Variants in ZNF346 observed in about 807,000 individuals in gnomAD.
ZNF346 encodes the protein double-stranded RNA-binding zinc finger protein JAZ.
A neutral mutation model predicts 33.7 loss-of-function variants in ZNF346; 23 were observed. The ratio of observed to expected loss-of-function variants is 0.68; its 90% confidence interval spans 0.49 to 0.97. ZNF346 has a LOEUF of 0.97. Among genes scored for constraint, ZNF346 ranks in the 50% least tolerant of loss-of-function variants. The pLI is 0.00. For missense variants in ZNF346, 340 were observed against 371.1 expected (o/e 0.92, Z 0.69); for synonymous variants, 134 against 142.4 (o/e 0.94, Z 0.42).
chr5:177,071,627 G>A (rs1255825831), downstream of ZNF346, among the ~76,000 whole-genome samples: 3 of 151,070 alleles, frequency 2.0e-5, no homozygotes, highest in African/African-American at 7.3e-5. Flanking sequence ...GGAGCTTGCA[G>A]TGAGCTGAGA....
At chr5:177,043,815 TG>T (rs552228725) in intron 3 of ZNF346, among the ~76,000 whole-genome samples, 26 of 151,748 alleles carry the variant, frequency 1.7e-4, no homozygotes, top group African/African-American at 5.3e-4. Context: ...GAGCATCTAC[TG>T]TGTGCCAGAC....
chr5:177,072,068 T>TA (rs1783534956), downstream of ZNF346, among the ~76,000 whole-genome samples: 1 of 152,220 alleles, frequency 6.6e-6, no homozygotes, highest in Non-Finnish European at 1.5e-5. Flanking sequence ...CCTGGGACTT[T>TA]ACTGTTTGAT....
chr5:177,044,230 T>C, intron 3 of ZNF346, 159 bp from the exon 4 acceptor site: 2 of 756,696 alleles, frequency 2.6e-6, no homozygotes, highest in Non-Finnish European at 4.3e-6. Flanking sequence ...GTGAGTAGAG[T>C]CTGGGACAAA....
chr5:177,071,636 G>T (rs1315898427), downstream of ZNF346, among the ~76,000 whole-genome samples: 1 of 150,588 alleles, frequency 6.6e-6, no homozygotes, highest in African/African-American at 2.4e-5. Flanking sequence ...AGTGAGCTGA[G>T]ATCGTGCCAC....
intron 4 of ZNF346, among the ~76,000 whole-genome samples, chr5:177,047,034 ATT>A (rs1562000174): frequency 9.8e-4 from 59 of 59,956 alleles, no homozygotes; most frequent in African/African-American, 2.7e-3. Flanking sequence ...ATTTATTTTT[ATT>A]TATTTATTTA....
Position 177,061,228 on chromosome 5 carries a change from T to C in ZNF346, c.704-830T>C, listed in dbSNP as rs186505431. On this transcript the variant is annotated intron_variant, in intron 5 of 6. Transcript: ENST00000358149. Reference sequence around the variant, plus strand: ...TTGGGAGGCCTAGACGGATGGATCATGAGGTCAAGAGAGAGAGACCATCAT... The same window carrying C: ...TTGGGAGGCCTAGACGGATGGATCACGAGGTCAAGAGAGAGAGACCATCAT... Among the ~76,000 whole-genome samples, 183 of 152,232 alleles carry C rather than the reference T, an allele frequency of 1.2e-3. 2 individuals are homozygous for C. The highest frequency in any genetic ancestry group is 2.0e-3 in the Non-Finnish European group (137 of 68,022).
intron 6 of ZNF346, among the ~76,000 whole-genome samples, chr5:177,062,975 G>A (rs574518527): frequency 1.3e-5 from 2 of 152,172 alleles, no homozygotes; most frequent in Non-Finnish European, 2.9e-5. Context: ...GATATGAAGA[G>A]AATAGGGCCT....
At chr5:177,075,155 T>C (rs244718) in intron 8 of ZNF346, among the ~76,000 whole-genome samples, 86,593 of 151,580 alleles carry the variant, frequency 0.57, 24,940 homozygotes, top group Admixed American at 0.66. Flanking sequence ...AATCCCAGCA[T>C]TTTGGGAGGC....
chr5:177,043,857 A>G (rs550982246), intron 3 of ZNF346, among the ~76,000 whole-genome samples: 1 of 152,158 alleles, frequency 6.6e-6, no homozygotes, highest in Non-Finnish European at 1.5e-5. Flanking sequence ...AAGAAACAAA[A>G]ATGAGTCAAA....
chr5:177,060,382 G>T (rs147369253), intron 5 of ZNF346, among the ~76,000 whole-genome samples: 8 of 151,300 alleles, frequency 5.3e-5, no homozygotes, highest in Non-Finnish European at 1.2e-4. Flanking sequence ...TTAGCCGGGC[G>T]TGGTGGTGCA....
intron 1 of ZNF346, among the ~76,000 whole-genome samples, chr5:177,025,322 G>T (rs1776599166): frequency 6.6e-6 from 1 of 152,102 alleles, no homozygotes; most frequent in South Asian, 2.1e-4. Flanking sequence ...CTAGACATTT[G>T]GATTGTTTCC....
chr5:177,055,516 G>A (rs565342800), intron 5 of ZNF346, among the ~76,000 whole-genome samples: 1 of 152,260 alleles, frequency 6.6e-6, no homozygotes, highest in East Asian at 1.9e-4. Flanking sequence ...AGACCTAGTA[G>A]GAGAAAAATA....
chr5:177,057,983 A>G (rs10035183), intron 5 of ZNF346, among the ~76,000 whole-genome samples: 20,914 of 149,144 alleles, frequency 0.14, 3,133 homozygotes, highest in African/African-American at 0.38. Flanking sequence ...CACCACGGCC[A>G]GCTAATTTTG....
In ZNF346 at chr5:177,028,806, G is replaced by A. The variant is rs537520247; in HGVS notation, c.175+5893G>A. ...GCGATCTCGGCTCACTGCAAGCTCC[G>A]CCTCCCAGGTTCATGCCATTCTCCT... On this transcript the variant is annotated intron_variant, in intron 1 of 6. Coordinates refer to ENST00000358149, the MANE Select transcript of ZNF346 (RefSeq NM_012279.4). Among the ~76,000 whole-genome samples, 434 of 128,306 alleles carry A rather than the reference G, an allele frequency of 3.4e-3. 1 individual carries two copies. The highest frequency in any genetic ancestry group is 0.012 in the African/African-American group (414 of 33,948). The allele number at this position is 128,306 out of a possible 152,430, so 84.2% of individuals were successfully genotyped here. A position where few individuals can be genotyped will look rare whatever the true frequency, so the allele number is the denominator to read the frequency against.
intron 1 of ZNF346, among the ~76,000 whole-genome samples, chr5:177,039,997 G>A (rs770167049): frequency 6.6e-6 from 1 of 151,990 alleles, no homozygotes; most frequent in East Asian, 2.0e-4. Flanking sequence ...TGGCTAACAC[G>A]ATGAAACCCC....
chr5:177,053,756 T>C (rs1781287115), intron 5 of ZNF346, among the ~76,000 whole-genome samples: 2 of 152,206 alleles, frequency 1.3e-5, no homozygotes, highest in South Asian at 4.1e-4. Context: ...CATTTCAAAA[T>C]GTATGTATAT....
Position 177,064,664 on chromosome 5 carries a change from C to A in ZNF346, c.*65C>A. 1 of 1,305,718 alleles carries A rather than the reference C, an allele frequency of 7.7e-7. No individual in the cohort carries two copies. Among genetic ancestry groups the A allele is most frequent in the Non-Finnish European group, 1.1e-6 (1 of 899,564 alleles). The allele number at this position is 1,305,718 out of a possible 1,614,324, so 80.9% of individuals were successfully genotyped here. The stretch of plus-strand genomic sequence containing the variant: ...AGCCAGCTTCCCGTGACTGCTCAGC[C>A]CTTGGCTCCCTCTTGCTCGTTGTTC... On this transcript the variant is annotated 3_prime_UTR_variant, in exon 7 of 7. Transcript: ENST00000358149.
chr5:177,041,918 C>A, intron 3 of ZNF346, 48 bp downstream of exon 3: 3 of 1,306,424 alleles, frequency 2.3e-6, no homozygotes, highest in Non-Finnish European at 3.3e-6. Context: ...ATGAAGCCAG[C>A]CAGCAGGTTG....
rs35976285 is a variant in ZNF346, at chr5:177,065,880, GTT to G, written c.*1283_*1284del. On this transcript the variant is annotated 3_prime_UTR_variant, in exon 7 of 7. Coordinates refer to ENST00000358149, the MANE Select transcript of ZNF346 (RefSeq NM_012279.4). ...TGGATGTGTGTGTGTGTGTGTGTGT[GTT>G]TGTGTGTATGTGTGTGCTTCTGTGT... 0.013 allele frequency: 1,952 copies of G among 147,074 alleles called. 41 individuals carry two copies. The highest frequency in any genetic ancestry group is 0.038 in the African/African-American group (1,469 of 38,668). 9.1% of individuals were successfully genotyped at this position (147,074 alleles called of 1,614,324 possible). A position where few individuals can be genotyped will look rare whatever the true frequency, so the allele number is the denominator to read the frequency against.
Sources: gnomAD v4.1 joint callset for allele counts (sites outside exome capture counted in the v4.1 genomes callset) on GRCh38, gnomAD v4.1.1 for gene constraint, MANE v1.5 for transcripts, NCBI Gene and HGNC (gene_info 2026-07-23, HGNC 2026-07-21) for gene names.